The following SHANK2 variants were observed in gnomAD, a reference collection of about 807,000 sequenced individuals.
The protein encoded by SHANK2 is SH3 and multiple ankyrin repeat domains 2, also known as SH3 and multiple ankyrin repeat domains protein 2.
SHANK2 carries 43 observed loss-of-function variants against 133.7 expected under a neutral mutation model. The ratio of observed to expected loss-of-function variants is 0.32; its 90% CI spans 0.25 to 0.41. SHANK2 has a LOEUF of 0.41. Among genes scored for constraint, SHANK2 ranks in the 10% least tolerant of loss-of-function variants. SHANK2 has a pLI of 1.00. For missense variants in SHANK2, 1,994 were observed against 2,235.8 expected (o/e 0.89, Z 2.18); for synonymous variants, 1,017 against 952.8 (o/e 1.07, Z -1.24).
intron 17 of SHANK2, among the ~76,000 whole-genome samples, chr11:70,624,422 G>T (rs118014365): frequency 6.6e-6 from 1 of 151,748 alleles, no homozygotes; most frequent in African/African-American, 2.4e-5. Context: ...ACCCCTCACA[G>T]AGAGAGGAAC....
chr11:70,816,918 G>A lies in SHANK2; in HGVS notation c.1493+3446C>T, dbSNP rs1276928511. 4.6e-5 allele frequency among the ~76,000 whole-genome samples: 7 copies of A among 152,282 alleles called. No individual in the cohort carries two copies. The South Asian group carries it at 8.3e-4, about 18-fold the overall frequency. ...CTCAGGGCACCAGCCTTTGCACCCC[G>A]GCTATGTCACCTGAATGTCCCTGCG... On this transcript the variant is annotated intron_variant, in intron 12 of 25. Coordinates refer to ENST00000601538, the MANE Select transcript of SHANK2 (RefSeq NM_012309.5).
At chr11:70,941,493 C>A (rs935007552) in intron 10 of SHANK2, among the ~76,000 whole-genome samples, 7 of 152,220 alleles carry the variant, frequency 4.6e-5, no homozygotes, top group Non-Finnish European at 1.0e-4. Context: ...AATTGTGTGT[C>A]CCCTCCCAAC....
At chr11:71,144,125 C>G (rs1161732981) in intron 3 of SHANK2, among the ~76,000 whole-genome samples, 1 of 152,114 alleles carries the variant, frequency 6.6e-6, no homozygotes, top group East Asian at 1.9e-4. Context: ...CCTGGAGGCA[C>G]AGTGGATAGT....
intron 14 of SHANK2, among the ~76,000 whole-genome samples, chr11:70,783,053 C>A (rs1445697939): frequency 6.6e-6 from 1 of 152,156 alleles, no homozygotes; most frequent in African/African-American, 2.4e-5. Flanking sequence ...GCACAGTGCT[C>A]TTCTCTGTCT....
chr11:70,577,403 C>T (rs375692530), intron 17 of SHANK2, among the ~76,000 whole-genome samples: 198 of 152,324 alleles, frequency 1.3e-3, no homozygotes, highest in Non-Finnish European at 2.3e-3. Context: ...CCACGGACCA[C>T]GAGACATCTC....
At chr11:71,171,511 C>T (rs1436815843) in intron 2 of SHANK2, among the ~76,000 whole-genome samples, 1 of 152,190 alleles carries the variant, frequency 6.6e-6, no homozygotes, top group African/African-American at 2.4e-5. Context: ...TGGTCAAGTC[C>T]TGAAGTCCAA....
intron 12 of SHANK2, among the ~76,000 whole-genome samples, chr11:70,812,457 G>A (rs782522964): frequency 1.3e-5 from 2 of 152,212 alleles, no homozygotes; most frequent in Admixed American, 6.5e-5. Context: ...GTGAGAAAAT[G>A]GAGGCTCCAT....
chr11:70,809,519 A>G (rs1948235162), intron 12 of SHANK2, among the ~76,000 whole-genome samples: 1 of 152,180 alleles, frequency 6.6e-6, no homozygotes, highest in Admixed American at 6.5e-5. Flanking sequence ...GTGCTTGTAT[A>G]AAGTTACAGA....
intron 17 of SHANK2, among the ~76,000 whole-genome samples, chr11:70,608,034 G>A (rs372792104): frequency 7.2e-5 from 11 of 152,328 alleles, no homozygotes; most frequent in African/African-American, 2.6e-4. Context: ...GCAGTGCCAG[G>A]GCTCCTGACC....
rs575260590 is a variant in SHANK2 at position 70,534,948 on chromosome 11, G to GAGA, written c.2062-32020_2062-32018dup. Among the ~76,000 whole-genome samples, 21 of 152,262 alleles carry GAGA rather than the reference G, an allele frequency of 1.4e-4. No homozygotes were observed. The East Asian group carries it at 3.7e-3, about 27-fold the overall frequency. On this transcript the variant is annotated intron_variant, in intron 17 of 25. Coordinates refer to ENST00000601538, the MANE Select transcript of SHANK2 (RefSeq NM_012309.5). ...AAGTTCGTTAGCTATGCAGGGGCAG[G>GAGA]AGATGTGGATAGTGCCTCTGGCTGG...
At chr11:71,096,677 G>A (rs782272776) in intron 6 of SHANK2, among the ~76,000 whole-genome samples, 11 of 152,186 alleles carry the variant, frequency 7.2e-5, no homozygotes, top group Non-Finnish European at 1.3e-4. Context: ...CTTAATGAGC[G>A]TGTGACACTC....
chr11:70,861,942 T>C (rs1177714362), intron 11 of SHANK2, among the ~76,000 whole-genome samples: 1 of 151,562 alleles, frequency 6.6e-6, no homozygotes, highest in Non-Finnish European at 1.5e-5. Flanking sequence ...GGTCTCGGAA[T>C]AGTGGGACAC....
chr11:70,685,159 C>T (rs149678647), intron 15 of SHANK2, among the ~76,000 whole-genome samples: 1 of 151,980 alleles, frequency 6.6e-6, no homozygotes, highest in African/African-American at 2.4e-5. Flanking sequence ...GGCGAAAAAA[C>T]CCCCAAAAAA....
chr11:70,585,019 C>T (rs552907149), intron 17 of SHANK2, among the ~76,000 whole-genome samples: 4 of 152,300 alleles, frequency 2.6e-5, no homozygotes, highest in South Asian at 2.1e-4. Flanking sequence ...CCCTGAGCTC[C>T]GTGGCTACCA....
At chr11:70,551,387 G>A (rs1407416895) in intron 17 of SHANK2, among the ~76,000 whole-genome samples, 1 of 151,746 alleles carries the variant, frequency 6.6e-6, no homozygotes, top group African/African-American at 2.4e-5. Flanking sequence ...GACGGGGAGT[G>A]GAGCTCTACC....
intron 10 of SHANK2, among the ~76,000 whole-genome samples, chr11:70,934,366 C>T (rs1950543090): frequency 1.3e-5 from 2 of 152,142 alleles, no homozygotes; most frequent in Non-Finnish European, 2.9e-5. Flanking sequence ...GTGCAGCCGG[C>T]CGGCCTCCCT....
At chr11:71,082,905 G>A (rs910569704) in intron 8 of SHANK2, among the ~76,000 whole-genome samples, 60 of 152,222 alleles carry the variant, frequency 3.9e-4, no homozygotes, top group African/African-American at 1.3e-3. Context: ...AGGTGTGGTA[G>A]GCACTCTCTG....
chr11:70,516,367 C>G (rs1554970076), intron 17 of SHANK2, among the ~76,000 whole-genome samples: 2 of 152,178 alleles, frequency 1.3e-5, no homozygotes, highest in Non-Finnish European at 2.9e-5. Context: ...AAAGGCAGTT[C>G]CATGGAGAAA....
chr11:70,700,730 A>C (rs962187869), intron 14 of SHANK2, among the ~76,000 whole-genome samples: 3 of 152,228 alleles, frequency 2.0e-5, no homozygotes, highest in Non-Finnish European at 4.4e-5. Context: ...TGCAGGGATT[A>C]GAAGAATTCA....
Sources: allele counts gnomAD v4.1 joint callset (sites outside exome capture counted in the v4.1 genomes callset), GRCh38; gene constraint gnomAD v4.1.1; transcripts MANE v1.5; gene names NCBI Gene and HGNC (gene_info 2026-07-23, HGNC 2026-07-21).